The following ARID2 variants were observed in gnomAD, a reference collection of about 807,000 sequenced individuals.
The protein encoded by ARID2 is AT-rich interaction domain 2, also known as AT-rich interactive domain-containing protein 2.
ARID2 carries 32 observed loss-of-function variants against 184.6 expected under a neutral mutation model. The observed-to-expected ratio is 0.17, with a 90% CI of 0.13 to 0.23. ARID2 has a LOEUF of 0.23. Ranked by LOEUF, ARID2 falls within the 10% of genes least tolerant of loss-of-function variation. ARID2 has a pLI of 1.00. For synonymous variants in ARID2, 836 were observed against 772.6 expected (o/e 1.08, Z -1.36); for missense variants, 1,696 against 2,197.6 (o/e 0.77, Z 4.56).
intron 3 of ARID2, among the ~76,000 whole-genome samples, chr12:45,735,219 G>A (rs1363150190): frequency 4.0e-5 from 6 of 151,664 alleles, no homozygotes; most frequent in African/African-American, 1.5e-4. Flanking sequence ...TCTAGTTAGT[G>A]TCCACCATAT....
intron 3 of ARID2, among the ~76,000 whole-genome samples, chr12:45,753,237 A>G (rs1015819457): frequency 3.5e-4 from 54 of 152,204 alleles, no homozygotes; most frequent in African/African-American, 1.3e-3. Context: ...CAGAGGTTGC[A>G]GTGAGCTAAG....
chr12:45,862,026 A>G (rs1332119144), intron 16 of ARID2, among the ~76,000 whole-genome samples: 1 of 152,162 alleles, frequency 6.6e-6, no homozygotes, highest in African/African-American at 2.4e-5. Context: ...TTTATTGTAA[A>G]CTTCATATAC....
At chr12:45,799,385 A>G (rs1942452915) in intron 3 of ARID2, among the ~76,000 whole-genome samples, 1 of 152,182 alleles carries the variant, frequency 6.6e-6, no homozygotes, top group African/African-American at 2.4e-5. Context: ...CATGGAACAA[A>G]TGCATCATTA....
At chr12:45,766,609 G>T (rs1174163087) in intron 3 of ARID2, among the ~76,000 whole-genome samples, 2 of 151,240 alleles carry the variant, frequency 1.3e-5, no homozygotes, top group Non-Finnish European at 2.9e-5. Context: ...CGCCTCCTGG[G>T]TTCATGCCCT....
At chr12:45,857,098 C>T (rs996329219) in intron 15 of ARID2, among the ~76,000 whole-genome samples, 1 of 152,002 alleles carries the variant, frequency 6.6e-6, no homozygotes, top group African/African-American at 2.4e-5. Context: ...ACATGTTGAA[C>T]ATAATCTGTT....
At chr12:45,825,969 G>A (rs910313942) in intron 6 of ARID2, among the ~76,000 whole-genome samples, 21 of 152,026 alleles carry the variant, frequency 1.4e-4, no homozygotes, top group Admixed American at 1.3e-3. Flanking sequence ...AATCCTTACA[G>A]GCTTGGTTTC....
intron 6 of ARID2, among the ~76,000 whole-genome samples, chr12:45,834,381 C>T (rs1943176444): frequency 6.6e-6 from 1 of 151,298 alleles, no homozygotes; most frequent in Non-Finnish European, 1.5e-5. Flanking sequence ...TTTTATTTGT[C>T]AGAAAATGTT....
At chr12:45,875,086 C>T (rs1236826542) in intron 16 of ARID2, among the ~76,000 whole-genome samples, 3 of 152,186 alleles carry the variant, frequency 2.0e-5, no homozygotes, top group African/African-American at 4.8e-5. Flanking sequence ...TGTACCACTA[C>T]ACTCCATCCT....
chr12:45,888,054 G>GGGGGCTGGC (rs1944225870), intron 16 of ARID2, among the ~76,000 whole-genome samples: 1 of 152,062 alleles, frequency 6.6e-6, no homozygotes, highest in Non-Finnish European at 1.5e-5. Context: ...AATCAGCTGG[G>GGGGGCTGGC]GGTGCTGGCG....
rs1943541132 is a variant in ARID2 at position 45,851,145 on chromosome 12, T to C, written c.3022T>C (p.Ser1008Pro). ...ACCTCCTACTGTCAGTCAAATGTTA[T>C]CTGTGAAAAGGCAGCAACAGCAGCA... The part of the protein sequence containing the change: ...GPPPTVSQML[S>P]VKRQQQQQHS... The change falls in exon 15 of 21, where the codon TCT (serine) becomes CCT (proline). Residue 1008 changes from serine to proline, a missense_variant. Coordinates refer to ENST00000334344, the MANE Select transcript of ARID2 (RefSeq NM_152641.4). 4 of 1,613,910 alleles carry C rather than the reference T, an allele frequency of 2.5e-6. No homozygotes were observed. The highest frequency in any genetic ancestry group is 3.4e-6 in the Non-Finnish European group (4 of 1,179,998).
intron 2 of ARID2, 23 bp from the exon 3 acceptor site, chr12:45,731,194 C>G (rs758589055): frequency 6.5e-7 from 1 of 1,532,600 alleles, no homozygotes; most frequent in Non-Finnish European, 9.0e-7. Context: ...CACGTTCAGA[C>G]AACTGTGCCT....
At chr12:45,752,821 TA>T (rs1169153479) in intron 3 of ARID2, among the ~76,000 whole-genome samples, 1 of 152,232 alleles carries the variant, frequency 6.6e-6, no homozygotes, top group African/African-American at 2.4e-5. Flanking sequence ...TAAGCAAACA[TA>T]ACAGAAATTA....
intron 12 of ARID2, among the ~76,000 whole-genome samples, chr12:45,847,231 CTT>C (rs1488985044): frequency 6.6e-6 from 1 of 152,138 alleles, no homozygotes; most frequent in East Asian, 1.9e-4. Flanking sequence ...TTATCTTTCA[CTT>C]TGTAGAAAGT....
intron 3 of ARID2, among the ~76,000 whole-genome samples, chr12:45,797,025 T>G (rs920489973): frequency 6.6e-6 from 1 of 152,260 alleles, no homozygotes; most frequent in African/African-American, 2.4e-5. Context: ...ATTTTACATC[T>G]GTGTTTCTCG....
intron 16 of ARID2, among the ~76,000 whole-genome samples, chr12:45,870,674 A>T (rs1423781869): frequency 1.3e-5 from 2 of 151,542 alleles, no homozygotes; most frequent in East Asian, 3.9e-4. Context: ...TATAGTTTTC[A>T]TTTTTCCAGA....
At chr12:45,796,800 G>A (rs1287675685) in intron 3 of ARID2, among the ~76,000 whole-genome samples, 6 of 152,066 alleles carry the variant, frequency 3.9e-5, no homozygotes, top group Non-Finnish European at 5.9e-5. Flanking sequence ...GAACCATTGC[G>A]CCTGGCCAAC....
At chr12:45,750,899 T>C (rs191494911) in intron 3 of ARID2, among the ~76,000 whole-genome samples, 1 of 152,334 alleles carries the variant, frequency 6.6e-6, no homozygotes, top group East Asian at 1.9e-4. Context: ...TACAAAGTGG[T>C]GGGGCTAGAA....
At chr12:45,832,381 T>G (rs1943138040) in intron 6 of ARID2, among the ~76,000 whole-genome samples, 1 of 152,192 alleles carries the variant, frequency 6.6e-6, no homozygotes, top group East Asian at 1.9e-4. Flanking sequence ...TGGGGTTCAT[T>G]TAGTTTCTTG....
intron 15 of ARID2, among the ~76,000 whole-genome samples, chr12:45,858,302 A>C (rs1333676598): frequency 6.6e-6 from 1 of 152,166 alleles, no homozygotes; most frequent in East Asian, 1.9e-4. Flanking sequence ...TCAAGGCTGC[A>C]GTGAACTGTG....
Sources: allele counts gnomAD v4.1 joint callset (sites outside exome capture counted in the v4.1 genomes callset), GRCh38; gene constraint gnomAD v4.1.1; transcripts MANE v1.5; gene names NCBI Gene and HGNC (gene_info 2026-07-23, HGNC 2026-07-21).